MACROD2: variants seen among roughly 807,000 people sequenced by gnomAD.
The protein encoded by MACROD2 is mono-ADP ribosylhydrolase 2.
MACROD2 carries 36 observed loss-of-function variants against 70.4 expected under a neutral mutation model. That is an observed-to-expected ratio of 0.51 (90% CI 0.39 to 0.68). MACROD2 has a LOEUF of 0.68. Among genes scored for constraint, MACROD2 ranks in the 30% least tolerant of loss-of-function variants. The pLI is 0.00. For synonymous variants in MACROD2, 172 were observed against 178.8 expected, an observed-to-expected ratio of 0.96 and a Z score of 0.30; for missense variants, 496 against 538.4, an observed-to-expected ratio of 0.92 and a Z score of 0.78.
rs1282878599 is a variant in MACROD2, at chr20:14,131,152, G to T, written c.271+45424G>T. On this transcript the variant is annotated intron_variant, in intron 3 of 17. Coordinates refer to ENST00000684519, the MANE Select transcript of MACROD2 (RefSeq NM_001351661.2). ...GGGCTATGTTGCTCAGGTTATGGAAGATTTTTTAAAACCTGTTTTCATATT... is the reference window on the plus strand; with the variant it reads ...GGGCTATGTTGCTCAGGTTATGGAATATTTTTTAAAACCTGTTTTCATATT... Among the ~76,000 whole-genome samples the T allele has an allele frequency of 3.9e-5, 6 of 152,036 alleles. No individual in the cohort carries two copies. In the East Asian group the frequency reaches 1.2e-3, roughly 29 times the overall value.
intron 9 of MACROD2, among the ~76,000 whole-genome samples, chr20:15,865,054 G>A (rs942393053): frequency 2.0e-5 from 3 of 152,082 alleles, no homozygotes; most frequent in African/African-American, 7.2e-5. Context: ...TACTTGCCAT[G>A]TATTTCCCTA....
rs2082399761 is a variant in MACROD2, at chr20:14,293,151, A to G, written c.272-200328A>G. Reference sequence around the variant, plus strand: ...ACAATTTGTACAAACTTAAACATAAATATTCAATCATTTACCCAACAAATA... The same window carrying G: ...ACAATTTGTACAAACTTAAACATAAGTATTCAATCATTTACCCAACAAATA... On this transcript the variant is annotated intron_variant, in intron 3 of 17. Transcript: ENST00000684519. 2.6e-5 allele frequency among the ~76,000 whole-genome samples: 4 copies of G among 151,870 alleles called. 1 individual carries two copies. The highest frequency in any genetic ancestry group is 9.7e-5 in the African/African-American group (4 of 41,252).
chr20:15,051,812 C>T (rs1240254567), intron 5 of MACROD2, among the ~76,000 whole-genome samples: 4 of 149,116 alleles, frequency 2.7e-5, no homozygotes, highest in South Asian at 2.1e-4. Flanking sequence ...GGTGCAGTGA[C>T]GCAATCTCAG....
At chr20:14,768,877 CA>C (rs1370816580) in intron 5 of MACROD2, among the ~76,000 whole-genome samples, 1 of 152,026 alleles carries the variant, frequency 6.6e-6, no homozygotes, top group Non-Finnish European at 1.5e-5. Context: ...ACTTTTTAAC[CA>C]ACACCTTCTA....
intron 15 of MACROD2, among the ~76,000 whole-genome samples, chr20:16,022,854 C>T (rs576967741): frequency 1.3e-5 from 2 of 152,198 alleles, no homozygotes; most frequent in South Asian, 2.1e-4. Context: ...ATGTGCCAAC[C>T]GAATCATACA....
chr20:14,047,454 CAAAAAAAAA>C (rs11479438), intron 2 of MACROD2, among the ~76,000 whole-genome samples: 1 of 99,208 alleles, frequency 1.0e-5, no homozygotes, highest in African/African-American at 4.1e-5. Context: ...GACTCCGTCT[CAAAAAAAAA>C]AAAAAAAAAA....
intron 6 of MACROD2, among the ~76,000 whole-genome samples, chr20:15,283,892 C>T (rs1217112936): frequency 2.0e-5 from 3 of 152,094 alleles, no homozygotes; most frequent in Non-Finnish European, 4.4e-5. Flanking sequence ...ATAGCTTCAA[C>T]AATGGTCATC....
rs948496509 is a variant in MACROD2 at position 16,016,174 on chromosome 20, C to T, written c.1154-25027C>T. On this transcript the variant is annotated intron_variant, in intron 15 of 17. Coordinates refer to ENST00000684519, the MANE Select transcript of MACROD2 (RefSeq NM_001351661.2). Reference sequence around the variant, plus strand: ...TTTTATCTTTTTCCTCTTAAATTGACACTATCAGGTTACTTGATTTGATTA... The same window carrying T: ...TTTTATCTTTTTCCTCTTAAATTGATACTATCAGGTTACTTGATTTGATTA... 2.2e-4 allele frequency among the ~76,000 whole-genome samples: 33 copies of T among 152,086 alleles called. 1 individual carries two copies. The highest frequency in any genetic ancestry group is 2.0e-4 in the Admixed American group (3 of 15,274).
rs116495302 is a variant in MACROD2 at position 14,436,628 on chromosome 20, C to T, written c.272-56851C>T. Among the ~76,000 whole-genome samples the T allele has an allele frequency of 1.4e-3, 216 of 152,284 alleles. 1 individual carries two copies. Among genetic ancestry groups the T allele is most frequent in the South Asian group, 9.9e-3 (48 of 4,826 alleles). ...GTTTTTGTTTTCCCAGCACTCTACA[C>T]GTATGTGACATGTAGTGGGTTAAAA... On this transcript the variant is annotated intron_variant, in intron 3 of 17. Coordinates refer to ENST00000684519, the MANE Select transcript of MACROD2 (RefSeq NM_001351661.2).
At chr20:14,331,708 GGGTTTT>G (rs1186597200) in intron 3 of MACROD2, among the ~76,000 whole-genome samples, 25 of 152,050 alleles carry the variant, frequency 1.6e-4, no homozygotes, top group African/African-American at 6.0e-4. Context: ...ACAGATTTTT[GGGTTTT>G]GGTTTTGGCA....
chr20:15,770,084 A>ATTTTTTTTTTTTTTTTTTT (rs1234797549), intron 8 of MACROD2, among the ~76,000 whole-genome samples: 2 of 125,696 alleles, frequency 1.6e-5, no homozygotes, highest in African/African-American at 6.5e-5. Flanking sequence ...ATTTATTTTA[A>ATTTTTTTTTTTTTTTTTTT]TTTTCTTTTT....
intron 8 of MACROD2, among the ~76,000 whole-genome samples, chr20:15,698,666 G>A (rs956213129): frequency 3.3e-5 from 5 of 152,230 alleles, no homozygotes; most frequent in South Asian, 4.1e-4. Flanking sequence ...CCCCAAATAC[G>A]TTTTCCAAGC....
At chr20:14,580,253 G>T (rs1269764624) in intron 4 of MACROD2, among the ~76,000 whole-genome samples, 1 of 152,150 alleles carries the variant, frequency 6.6e-6, no homozygotes, top group Non-Finnish European at 1.5e-5. Flanking sequence ...TAATTGCTGA[G>T]CAAAATCCCG....
intron 10 of MACROD2, among the ~76,000 whole-genome samples, chr20:15,927,408 G>GA (rs1275857514): frequency 6.6e-6 from 1 of 152,196 alleles, no homozygotes; most frequent in Admixed American, 6.5e-5. Flanking sequence ...GCAAGAAAGA[G>GA]AGACTCCAGG....
At chr20:14,120,409 T>TA (rs1418491223) in intron 3 of MACROD2, among the ~76,000 whole-genome samples, 2 of 151,850 alleles carry the variant, frequency 1.3e-5, no homozygotes, top group Non-Finnish European at 2.9e-5. Flanking sequence ...TAGGAACACT[T>TA]TTAATCTGTT....
At chr20:15,288,867 G>GTCTGTCTGTCTA (rs71340213) in intron 6 of MACROD2, among the ~76,000 whole-genome samples, 2 of 146,852 alleles carry the variant, frequency 1.4e-5, no homozygotes, top group African/African-American at 2.5e-5. Context: ...CTGTCTGTCT[G>GTCTGTCTGTCTA]TCTATCTATC....
chr20:16,026,161 C>T (rs200294584), intron 15 of MACROD2, among the ~76,000 whole-genome samples: 3 of 87,366 alleles, frequency 3.4e-5, no homozygotes, highest in Non-Finnish European at 8.1e-5. Context: ...CTCAAAAAAA[C>T]AAAACAACAA....
chr20:14,094,178 C>T (rs1170977921), intron 3 of MACROD2, among the ~76,000 whole-genome samples: 1 of 152,062 alleles, frequency 6.6e-6, no homozygotes, highest in African/African-American at 2.4e-5. Context: ...TTAAATAAGT[C>T]TGATTTTTCC....
intron 12 of MACROD2, among the ~76,000 whole-genome samples, chr20:15,959,824 G>T (rs1026509717): frequency 2.0e-4 from 30 of 152,074 alleles, no homozygotes; most frequent in African/African-American, 7.2e-4. Flanking sequence ...GAGCCACCAT[G>T]CCCGGCCCAA....
Sources: gnomAD v4.1 joint callset for allele counts (sites outside exome capture counted in the v4.1 genomes callset) on GRCh38, gnomAD v4.1.1 for gene constraint, MANE v1.5 for transcripts, NCBI Gene and HGNC (gene_info 2026-07-23, HGNC 2026-07-21) for gene names.